TNKS: variants seen among roughly 807,000 people sequenced by gnomAD.
TNKS encodes poly [ADP-ribose] polymerase tankyrase-1.
TNKS carries 72 observed loss-of-function variants against 135.8 expected under a neutral mutation model. The observed-to-expected ratio is 0.53, with a 90% confidence interval of 0.44 to 0.64. TNKS has a LOEUF of 0.64. TNKS is among the 30% of genes least tolerant of loss of function. TNKS has a pLI of 0.00. For synonymous variants in TNKS, 849 were observed against 649.3 expected (o/e 1.31, Z -4.68); for missense variants, 1,769 against 1,674.0 (o/e 1.06, Z -0.99).
rs777173849 is a variant in TNKS, at chr8:9,555,969, T to G, written c.30T>G (p.His10Gln). Reference protein sequence around the residue: MAASRRSQHHHHHHQQQLQP... With the variant: MAASRRSQHQHHHHQQQLQP... ...CGGCGTCGCGTCGCTCTCAGCATCA[T>G]CACCACCATCATCAACAACAGCTCC... The change falls in exon 1 of 27, where the codon CAT becomes CAG. Residue 10 changes from histidine (H) to glutamine (Q), a missense_variant. Physicochemically the swap from His to Gln is conservative, Grantham distance 24. Around this residue, in one of 5 missense-constraint regions of TNKS, gnomAD observed 450 missense variants for 304.9 expected, o/e 1.48. Transcript: ENST00000310430. 1 of 1,613,252 alleles carries G rather than the reference T, an allele frequency of 6.2e-7. No individual in the cohort carries two copies. Among genetic ancestry groups the G allele is most frequent in the Non-Finnish European group, 8.5e-7 (1 of 1,179,832 alleles).
intron 3 of TNKS, among the ~76,000 whole-genome samples, chr8:9,628,093 T>C (rs1800134215): frequency 6.6e-6 from 1 of 152,232 alleles, no homozygotes; most frequent in African/African-American, 2.4e-5. Context: ...GCAGCTATGC[T>C]CTGCTTACTG....
intron 20 of TNKS, among the ~76,000 whole-genome samples, chr8:9,753,988 G>C (rs1806696532): frequency 6.6e-6 from 1 of 152,176 alleles, no homozygotes; most frequent in Non-Finnish European, 1.5e-5. Flanking sequence ...AGCTTCCTTG[G>C]CTTGTGGCCA....
intron 3 of TNKS, among the ~76,000 whole-genome samples, chr8:9,678,297 C>G (rs1384515605): frequency 6.6e-6 from 1 of 152,186 alleles, no homozygotes. Flanking sequence ...TTAAAGTTGA[C>G]TCTCTAACTT....
chr8:9,679,407 G>A (rs1802677946), intron 3 of TNKS, among the ~76,000 whole-genome samples: 2 of 152,166 alleles, frequency 1.3e-5, no homozygotes, highest in East Asian at 1.9e-4. Context: ...CTTGCCTATC[G>A]AGTCAAAGCC....
intron 20 of TNKS, among the ~76,000 whole-genome samples, chr8:9,756,602 A>G (rs549520460): frequency 5.3e-5 from 8 of 152,266 alleles, no homozygotes; most frequent in African/African-American, 1.9e-4. Context: ...GGTATATATA[A>G]AATTCCTGAG....
At chr8:9,674,450 A>G (rs1802447758) in intron 3 of TNKS, among the ~76,000 whole-genome samples, 1 of 152,174 alleles carries the variant, frequency 6.6e-6, no homozygotes, top group Non-Finnish European at 1.5e-5. Flanking sequence ...AAGAGTAAAG[A>G]ATATGGAAAA....
chr8:9,642,972 T>TAA (rs1800777188), intron 3 of TNKS, among the ~76,000 whole-genome samples: 1 of 146,478 alleles, frequency 6.8e-6, no homozygotes, highest in Admixed American at 7.2e-5. Context: ...ATATTTTACC[T>TAA]AATTTTTATA....
chr8:9,570,773 C>T (rs1381096288), intron 1 of TNKS, among the ~76,000 whole-genome samples: 1 of 152,146 alleles, frequency 6.6e-6, no homozygotes, highest in Non-Finnish European at 1.5e-5. Flanking sequence ...CATACAGGGT[C>T]ATTCTCAGGG....
intron 13 of TNKS, 30 bp downstream of exon 13, chr8:9,726,750 G>A: frequency 6.4e-7 from 1 of 1,552,520 alleles, no homozygotes; most frequent in East Asian, 2.2e-5. Context: ...ATCTGGAATA[G>A]CACTGTTGAA....
intron 25 of TNKS, among the ~76,000 whole-genome samples, chr8:9,767,592 C>G (rs2128838172): frequency 6.6e-6 from 1 of 152,258 alleles, no homozygotes; most frequent in African/African-American, 2.4e-5. Context: ...TTATTGCCAT[C>G]AGCCATTTGG....
At chr8:9,597,910 T>A (rs1193498626) in intron 2 of TNKS, among the ~76,000 whole-genome samples, 1 of 152,152 alleles carries the variant, frequency 6.6e-6, no homozygotes, top group African/African-American at 2.4e-5. Flanking sequence ...CAATTGATAA[T>A]AGGATAATGT....
At chr8:9,775,449 A>G (rs1453912521) in intron 26 of TNKS, among the ~76,000 whole-genome samples, 1 of 127,972 alleles carries the variant, frequency 7.8e-6, no homozygotes, top group East Asian at 2.4e-4. Flanking sequence ...AAAGAATATT[A>G]TGAATGGTTC....
intron 20 of TNKS, among the ~76,000 whole-genome samples, chr8:9,754,825 T>G (rs576993634): frequency 1.3e-5 from 2 of 152,318 alleles, no homozygotes; most frequent in East Asian, 1.9e-4. Context: ...CTGCTGTCTA[T>G]AAAATCATTT....
intron 25 of TNKS, among the ~76,000 whole-genome samples, chr8:9,768,253 G>A (rs1042692328): frequency 6.6e-6 from 1 of 152,180 alleles, no homozygotes; most frequent in African/African-American, 2.4e-5. Context: ...GGGCCCAAAA[G>A]GAACTGAGGT....
chr8:9,556,790 G>C, intron 1 of TNKS, 178 bp downstream of exon 1: 2 of 469,184 alleles, frequency 4.3e-6, no homozygotes, highest in Non-Finnish European at 7.5e-6. Context: ...TGGGGGCGTG[G>C]TTGGGGGGGA....
In TNKS at chr8:9,735,068, C is replaced by T. The variant is rs774830242; in HGVS notation, c.2517C>T (p.Thr839=). The change falls in exon 16 of 27, where the codon ACC becomes ACT. Residue 839 remains threonine, a synonymous_variant. Transcript: ENST00000310430. The part of the protein sequence containing the change: ...NCRDTQGRNS[T]PLHLAAGYNN... ...GAGACACCCAGGGCAGAAATTCAAC[C>T]CCTCTGCACCTGGCAGGTAAGCGCC... is the stretch of plus-strand genomic sequence containing the variant. 4.3e-6 allele frequency: 7 copies of T among 1,613,682 alleles called. No homozygotes were observed. The Admixed American group carries it at 1.0e-4, about 23-fold the overall frequency.
intron 3 of TNKS, among the ~76,000 whole-genome samples, chr8:9,623,117 A>G (rs1025256105): frequency 3.3e-5 from 5 of 152,190 alleles, no homozygotes; most frequent in Admixed American, 1.3e-4. Context: ...ACTGTGGTTG[A>G]CCGGGGGTAA....
At chr8:9,684,062 T>C (rs776279295) in intron 5 of TNKS, among the ~76,000 whole-genome samples, 1 of 151,960 alleles carries the variant, frequency 6.6e-6, no homozygotes, top group Non-Finnish European at 1.5e-5. Context: ...ATGACCACTT[T>C]TAGAAACATA....
chr8:9,773,023 G>A (rs938079130), intron 26 of TNKS, among the ~76,000 whole-genome samples: 2 of 151,494 alleles, frequency 1.3e-5, no homozygotes, highest in African/African-American at 2.4e-5. Context: ...TTGTAAGTTG[G>A]TAGCTGTTTC....
Sources: gnomAD v4.1 joint callset for allele counts (sites outside exome capture counted in the v4.1 genomes callset) on GRCh38, gnomAD v4.1.1 for gene constraint, gnomAD v4.1.1 regional missense constraint, MANE v1.5 for transcripts, NCBI Gene and HGNC (gene_info 2026-07-23, HGNC 2026-07-21) for gene names.